Variants in DAB1 observed in about 807,000 individuals in gnomAD.
DAB1 encodes disabled homolog 1.
In DAB1, 15 loss-of-function variants were observed where a neutral mutation model predicts 64.6. That is an observed-to-expected ratio of 0.23 (90% CI 0.16 to 0.36). The LOEUF is 0.36. Ranked by LOEUF, DAB1 falls within the 10% of genes least tolerant of loss-of-function variation. The pLI, the probability that DAB1 is intolerant of heterozygous loss-of-function variation, is 1.00. For synonymous variants in DAB1, 235 were observed against 251.9 expected (o/e 0.93, Z 0.64); for missense variants, 596 against 706.7 (o/e 0.84, Z 1.78).
chr1:57,437,982 A>G (rs1289921905), intron 7 of DAB1, among the ~76,000 whole-genome samples: 1 of 152,080 alleles, frequency 6.6e-6, no homozygotes, highest in African/African-American at 2.4e-5. Flanking sequence ...TCTGGCCCTC[A>G]TTTCCCTCAT....
At chr1:57,492,730 T>C (rs1311985979) in intron 7 of DAB1, among the ~76,000 whole-genome samples, 4 of 152,158 alleles carry the variant, frequency 2.6e-5, no homozygotes, top group Admixed American at 2.6e-4. Context: ...TCGCTTTAAC[T>C]CTCTGAGAGG....
chr1:57,085,139 C>T (rs1652945653), intron 4 of DAB1, among the ~76,000 whole-genome samples: 1 of 152,160 alleles, frequency 6.6e-6, no homozygotes, highest in Admixed American at 6.5e-5. Context: ...GATGAGAAAA[C>T]TGAGGTTCAG....
chr1:57,245,969 C>T (rs906235851), intron 2 of DAB1, among the ~76,000 whole-genome samples: 6 of 152,104 alleles, frequency 3.9e-5, no homozygotes, highest in African/African-American at 9.7e-5. Context: ...CATGCATATG[C>T]ATGAAGAAAG....
chr1:57,872,193 G>A (rs1270739697), intron 1 of DAB1, among the ~76,000 whole-genome samples: 2 of 152,188 alleles, frequency 1.3e-5, no homozygotes, highest in Admixed American at 6.5e-5. Flanking sequence ...CTTATGATCT[G>A]AATGTATATG....
intron 7 of DAB1, among the ~76,000 whole-genome samples, chr1:57,635,410 A>G (rs1480041161): frequency 6.6e-6 from 1 of 152,036 alleles, no homozygotes; most frequent in Non-Finnish European, 1.5e-5. Context: ...TTACTGCCTG[A>G]GCTCCGCCTC....
chr1:57,233,408 G>A (rs958586493), intron 2 of DAB1, among the ~76,000 whole-genome samples: 1 of 148,664 alleles, frequency 6.7e-6, no homozygotes, highest in African/African-American at 2.5e-5. Flanking sequence ...GACTACAGGC[G>A]CCCGCCATTA....
chr1:58,180,293 T>TCC (rs1351915959), intron 4 of DAB1, among the ~76,000 whole-genome samples: 2 of 117,432 alleles, frequency 1.7e-5, no homozygotes, highest in Admixed American at 9.2e-5. Flanking sequence ...TTTTTTTTTT[T>TCC]TTTTTTTTTT....
chr1:57,422,718 G>T (rs71511461), intron 1 of DAB1, among the ~76,000 whole-genome samples: 6,698 of 152,294 alleles, frequency 0.044, 162 homozygotes, highest in South Asian at 0.085. Context: ...GTGCGATGCA[G>T]TTGGGGGTTG....
chr1:57,410,244 T>A (rs1286393121), intron 1 of DAB1, among the ~76,000 whole-genome samples: 1 of 152,230 alleles, frequency 6.6e-6, no homozygotes, highest in Non-Finnish European at 1.5e-5. Context: ...ACAGGGGCAC[T>A]TCCCCCTCTA....
At chr1:57,978,102 A>G (rs192101639) in intron 5 of DAB1, among the ~76,000 whole-genome samples, 5 of 152,318 alleles carry the variant, frequency 3.3e-5, no homozygotes, top group African/African-American at 1.2e-4. Flanking sequence ...GAGCCTGCAT[A>G]GCCAAGAAAA....
intron 1 of DAB1, among the ~76,000 whole-genome samples, chr1:58,528,839 T>C (rs970116589): frequency 6.6e-6 from 1 of 152,202 alleles, no homozygotes; most frequent in African/African-American, 2.4e-5. Flanking sequence ...CCAAAATTAT[T>C]GAGGGGCCTT....
At chr1:57,562,932 C>A (rs1452451848) in intron 7 of DAB1, among the ~76,000 whole-genome samples, 1 of 152,188 alleles carries the variant, frequency 6.6e-6, no homozygotes, top group Non-Finnish European at 1.5e-5. Context: ...GTCTGCTACT[C>A]TACAACGGAG....
At chr1:57,256,326 T>C (rs1289127215) in intron 2 of DAB1, among the ~76,000 whole-genome samples, 1 of 152,172 alleles carries the variant, frequency 6.6e-6, no homozygotes, top group Non-Finnish European at 1.5e-5. Flanking sequence ...GAAAATAATT[T>C]ATCTAAATCC....
At chr1:57,693,450 T>G (rs914920588) in intron 6 of DAB1, among the ~76,000 whole-genome samples, 2 of 152,150 alleles carry the variant, frequency 1.3e-5, no homozygotes, top group Non-Finnish European at 2.9e-5. Context: ...GCACTCTGTG[T>G]CTAGCTAAAG....
At chr1:57,738,486 A>C (rs1232284435) in intron 6 of DAB1, among the ~76,000 whole-genome samples, 1 of 151,192 alleles carries the variant, frequency 6.6e-6, no homozygotes. Context: ...TCCCCCACCC[A>C]CAACCCCACA....
chr1:57,764,703 T>C (rs1380055096), intron 6 of DAB1, among the ~76,000 whole-genome samples: 1 of 152,188 alleles, frequency 6.6e-6, no homozygotes, highest in African/African-American at 2.4e-5. Flanking sequence ...TTTCCTGGCT[T>C]ATTTCATAGC....
intron 7 of DAB1, among the ~76,000 whole-genome samples, chr1:57,639,259 TAGTA>T (rs968449277): frequency 2.0e-5 from 3 of 148,690 alleles, no homozygotes; most frequent in South Asian, 2.1e-4. Flanking sequence ...TAAAGAACTT[TAGTA>T]AGTAACTTTA....
At chr1:58,248,245 G>GC (rs1660643304) in intron 4 of DAB1, among the ~76,000 whole-genome samples, 1 of 152,130 alleles carries the variant, frequency 6.6e-6, no homozygotes, top group Non-Finnish European at 1.5e-5. Flanking sequence ...GCCCTGGCGA[G>GC]CCCCCATTCC....
At chr1:57,185,695 C>T (rs1030824254) in intron 2 of DAB1, among the ~76,000 whole-genome samples, 4 of 152,208 alleles carry the variant, frequency 2.6e-5, no homozygotes. Context: ...AGACACTGAA[C>T]TAACAATGCT....
Sources: gnomAD v4.1 joint callset for allele counts (sites outside exome capture counted in the v4.1 genomes callset) on GRCh38, gnomAD v4.1.1 for gene constraint, MANE v1.5 for transcripts, NCBI Gene and HGNC (gene_info 2026-07-23, HGNC 2026-07-21) for gene names.